PTPRD: variants seen among roughly 807,000 people sequenced by gnomAD.
PTPRD encodes the protein receptor-type tyrosine-protein phosphatase delta.
In PTPRD, 34 loss-of-function variants were observed where a neutral mutation model predicts 214.5. The observed-to-expected ratio is 0.16, with a 90% CI of 0.12 to 0.21. PTPRD has a LOEUF of 0.21. PTPRD is among the 10% of genes least tolerant of loss of function. The pLI is 1.00. For missense variants in PTPRD, 2,545 were observed against 2,398.7 expected (o/e 1.06, Z -1.27); for synonymous variants, 1,128 against 845.7 (o/e 1.33, Z -5.79).
Position 10,504,115 on chromosome 9 carries a change from CAAAAAAAAA to C in PTPRD, c.-600+108274_-600+108282del, listed in dbSNP as rs71332747. ...TGGGGCACAGAGCGAGACTCTGTCTCAAAAAAAAAAAAAAAAAAAAAAAAAAGATGTACG... is the reference window on the plus strand; with the variant it reads ...TGGGGCACAGAGCGAGACTCTGTCTCAAAAAAAAAAAAAAAAAGATGTACG... On this transcript the variant is annotated intron_variant, in intron 2 of 45. Coordinates refer to ENST00000381196, the MANE Select transcript of PTPRD (RefSeq NM_002839.4). 3.9e-3 allele frequency among the ~76,000 whole-genome samples: 105 copies of C among 26,964 alleles called. 3 individuals are homozygous for C. The highest frequency in any genetic ancestry group is 7.7e-3 in the Admixed American group (10 of 1,296). 17.7% of individuals were successfully genotyped at this position (26,964 alleles called of 152,430 possible). A position where few individuals can be genotyped will look rare whatever the true frequency, so the allele number is the denominator to read the frequency against.
At chr9:8,750,724 G>C (rs1208951725) in intron 11 of PTPRD, among the ~76,000 whole-genome samples, 1 of 152,148 alleles carries the variant, frequency 6.6e-6, no homozygotes, top group East Asian at 1.9e-4. Flanking sequence ...GGAGCCCAGA[G>C]ATTCCCAGCA....
intron 10 of PTPRD, among the ~76,000 whole-genome samples, chr9:9,069,170 C>G (rs1036550071): frequency 6.6e-6 from 1 of 152,116 alleles, no homozygotes; most frequent in African/African-American, 2.4e-5. Context: ...ATTCCCAAGA[C>G]AAGAACTAAT....
At chr9:9,626,560 G>T (rs1349007702) in intron 7 of PTPRD, among the ~76,000 whole-genome samples, 1 of 152,136 alleles carries the variant, frequency 6.6e-6, no homozygotes, top group East Asian at 1.9e-4. Context: ...AGGAAGGAAG[G>T]AAGGGACGGA....
chr9:10,400,391 T>A (rs1471991464), intron 2 of PTPRD, among the ~76,000 whole-genome samples: 2 of 151,778 alleles, frequency 1.3e-5, no homozygotes, highest in East Asian at 3.9e-4. Flanking sequence ...ATAAATACAT[T>A]TTTTCATGTA....
intron 3 of PTPRD, among the ~76,000 whole-genome samples, chr9:10,158,428 T>A (rs1350231089): frequency 3.3e-5 from 5 of 152,240 alleles, no homozygotes; most frequent in Admixed American, 3.3e-4. Flanking sequence ...TTTGTAATAA[T>A]GAATTGCTCT....
intron 33 of PTPRD, among the ~76,000 whole-genome samples, chr9:8,454,049 T>C (rs1016510640): frequency 1.3e-5 from 2 of 152,176 alleles, no homozygotes; most frequent in African/African-American, 4.8e-5. Flanking sequence ...AATCACATAG[T>C]GTATTTTAGC....
At chr9:9,243,092 T>C (rs1210686449) in intron 9 of PTPRD, among the ~76,000 whole-genome samples, 3 of 152,100 alleles carry the variant, frequency 2.0e-5, no homozygotes, top group East Asian at 3.9e-4. Context: ...CTGTTGGAGT[T>C]TCCTGGAGGT....
intron 12 of PTPRD, among the ~76,000 whole-genome samples, chr9:8,715,972 T>C (rs2098429237): frequency 6.6e-6 from 1 of 152,256 alleles, no homozygotes; most frequent in Non-Finnish European, 1.5e-5. Flanking sequence ...GCACTGGCCC[T>C]TGAAATGCTA....
intron 14 of PTPRD, among the ~76,000 whole-genome samples, chr9:8,544,280 C>T (rs1188778776): frequency 6.7e-6 from 1 of 148,246 alleles, no homozygotes; most frequent in Non-Finnish European, 1.5e-5. Flanking sequence ...AATTTGCCTG[C>T]CTCAGCCTCC....
chr9:10,302,292 G>A (rs901954845), intron 3 of PTPRD, among the ~76,000 whole-genome samples: 18 of 152,112 alleles, frequency 1.2e-4, no homozygotes, highest in Non-Finnish European at 2.5e-4. Flanking sequence ...GGAACAACTG[G>A]TACCAGCCAC....
At chr9:9,631,891 C>A (rs2095606220) in intron 7 of PTPRD, among the ~76,000 whole-genome samples, 1 of 152,108 alleles carries the variant, frequency 6.6e-6, no homozygotes, top group African/African-American at 2.4e-5. Context: ...AAAGATAAAT[C>A]ATTACATGTC....
At chr9:9,902,789 G>T (rs1425980377) in intron 5 of PTPRD, among the ~76,000 whole-genome samples, 1 of 152,112 alleles carries the variant, frequency 6.6e-6, no homozygotes, top group African/African-American at 2.4e-5. Context: ...GTGAGCTAGA[G>T]CTCATCTTTC....
At chr9:9,186,044 C>T (rs765639794) in intron 9 of PTPRD, among the ~76,000 whole-genome samples, 5 of 151,918 alleles carry the variant, frequency 3.3e-5, no homozygotes, top group Non-Finnish European at 7.4e-5. Flanking sequence ...TCTAGGTCAA[C>T]TAAGTTTTCT....
At chr9:8,433,053 A>G (rs2132290088) in intron 35 of PTPRD, among the ~76,000 whole-genome samples, 1 of 152,370 alleles carries the variant, frequency 6.6e-6, no homozygotes, top group African/African-American at 2.4e-5. Context: ...TGCATTCAAT[A>G]GATGCAACTG....
intron 9 of PTPRD, among the ~76,000 whole-genome samples, chr9:9,319,464 T>C (rs1287698472): frequency 2.0e-5 from 3 of 152,204 alleles, no homozygotes; most frequent in Non-Finnish European, 4.4e-5. Flanking sequence ...GTGGAGAACA[T>C]TTTGTGCCAA....
At chr9:10,059,285 T>G (rs1032818802) in intron 3 of PTPRD, among the ~76,000 whole-genome samples, 2 of 152,166 alleles carry the variant, frequency 1.3e-5, no homozygotes, top group Non-Finnish European at 2.9e-5. Flanking sequence ...ACTTCCATGT[T>G]GCGCAATACT....
At chr9:8,919,252 G>A (rs761210621) in intron 11 of PTPRD, among the ~76,000 whole-genome samples, 11 of 152,108 alleles carry the variant, frequency 7.2e-5, no homozygotes, top group Middle Eastern at 6.8e-3. Context: ...AATTAGCTGG[G>A]CGTGGTGGTG....
chr9:8,651,637 G>C (rs1564995322), intron 12 of PTPRD, among the ~76,000 whole-genome samples: 1 of 152,088 alleles, frequency 6.6e-6, no homozygotes, highest in Non-Finnish European at 1.5e-5. Flanking sequence ...AATCTGAGGA[G>C]AAAATGTTTC....
At chr9:10,191,826 G>T (rs2099364872) in intron 3 of PTPRD, among the ~76,000 whole-genome samples, 1 of 152,024 alleles carries the variant, frequency 6.6e-6, no homozygotes, top group African/African-American at 2.4e-5. Flanking sequence ...TTAGCTATTT[G>T]CTTATTTTTC....
Sources: gnomAD v4.1 joint callset for allele counts (sites outside exome capture counted in the v4.1 genomes callset) on GRCh38, gnomAD v4.1.1 for gene constraint, MANE v1.5 for transcripts, NCBI Gene and HGNC (gene_info 2026-07-23, HGNC 2026-07-21) for gene names.